Variants in SKIC2 observed in about 807,000 individuals in gnomAD.
The protein encoded by SKIC2 is SKI2 subunit of superkiller complex.
At chr6:31,961,041 ATCT>A in the SKIC2 span, 1 of 1,609,890 alleles carries the variant, frequency 6.2e-7, no homozygotes, top group Non-Finnish European at 8.5e-7. Flanking sequence ...TATCCTACAG[ATCT>A]TCTTACTATT....
At chr6:31,962,369 T>G in the SKIC2 span, 4 of 1,534,264 alleles carry the variant, frequency 2.6e-6, no homozygotes, top group Admixed American at 3.3e-5. The surrounding 1 kb of genome is among the most constrained non-coding windows in gnomAD (Gnocchi z 5.0). Context: ...CCACGAGGGC[T>G]CCATGTGGGA....
At chr6:31,961,947 C>A in the SKIC2 span, 16 of 1,612,932 alleles carry the variant, frequency 9.9e-6, no homozygotes, top group African/African-American at 2.1e-4. Context: ...AACAGGCCAT[C>A]CTGCACTTGG....
At chr6:31,968,197 G>A in the SKIC2 span, 1 of 1,497,394 alleles carries the variant, frequency 6.7e-7, no homozygotes, top group Non-Finnish European at 9.2e-7. This position sits in a 1 kb window ranked among gnomAD's most constrained non-coding sequence, Gnocchi z 6.1. Context: ...TGGGGTTGTA[G>A]TGAGGGGGCT....
At chr6:31,963,299 C>T in the SKIC2 span, 1 of 1,035,954 alleles carries the variant, frequency 9.7e-7, no homozygotes, top group African/African-American at 1.6e-5. This position sits in a 1 kb window ranked among gnomAD's most constrained non-coding sequence, Gnocchi z 5.3. Flanking sequence ...GGATAGCCTT[C>T]CATTCTGGGT....
the SKIC2 span, chr6:31,960,662 C>A: frequency 6.3e-7 from 1 of 1,589,526 alleles, no homozygotes; most frequent in African/African-American, 1.4e-5. Context: ...CTGTCTCTTC[C>A]CAGGGGGGAT....
the SKIC2 span, chr6:31,969,350 CG>C: frequency 6.2e-7 from 1 of 1,614,100 alleles, no homozygotes. This position sits in a 1 kb window ranked among gnomAD's most constrained non-coding sequence, Gnocchi z 6.1. Context: ...CTGAACCAGA[CG>C]GTGGAGGAAT....
the SKIC2 span, chr6:31,963,799 G>T: frequency 1.3e-5 from 20 of 1,488,568 alleles, no homozygotes; most frequent in Admixed American, 1.5e-4. The surrounding 1 kb of genome is among the most constrained non-coding windows in gnomAD (Gnocchi z 5.3). Context: ...TTTTCCCCTT[G>T]TCCCCCAGGG....
At chr6:31,965,124 AAAAC>A in the SKIC2 span, among the ~76,000 whole-genome samples, 196 of 152,324 alleles carry the variant, frequency 1.3e-3, no homozygotes, top group African/African-American at 4.5e-3. The surrounding 1 kb of genome is among the most constrained non-coding windows in gnomAD (Gnocchi z 5.6). Context: ...TCTCAAAACA[AAAAC>A]AAACAAAGAA....
At chr6:31,963,338 G>A in the SKIC2 span, 13 of 1,365,234 alleles carry the variant, frequency 9.5e-6, no homozygotes, top group Non-Finnish European at 1.3e-5. The surrounding 1 kb of genome is among the most constrained non-coding windows in gnomAD (Gnocchi z 5.3). Flanking sequence ...AAGTTGGAGG[G>A]GTAGGGAAGG....
chr6:31,962,881 G>A, the SKIC2 span: 2 of 1,299,880 alleles, frequency 1.5e-6, no homozygotes, highest in Non-Finnish European at 2.2e-6. The surrounding 1 kb of genome is among the most constrained non-coding windows in gnomAD (Gnocchi z 5.0). Flanking sequence ...CACACTCAGG[G>A]CCCCTTACTG....
At chr6:31,961,289 TG>T in the SKIC2 span, 1 of 1,607,942 alleles carries the variant, frequency 6.2e-7, no homozygotes, top group Non-Finnish European at 8.5e-7. Flanking sequence ...AATGAGGCAG[TG>T]GGACAGCCAG....
At chr6:31,968,117 G>C in the SKIC2 span, 138 of 1,611,280 alleles carry the variant, frequency 8.6e-5, no homozygotes, top group Middle Eastern at 1.1e-3. The surrounding 1 kb of genome is among the most constrained non-coding windows in gnomAD (Gnocchi z 6.1). Flanking sequence ...CTCCTCCAGA[G>C]GGGCACGTAG....
At chr6:31,961,429 C>T in the SKIC2 span, 2 of 1,525,036 alleles carry the variant, frequency 1.3e-6, no homozygotes, top group East Asian at 2.3e-5. Flanking sequence ...AGCCTTGCCA[C>T]CAGGATGTGG....
the SKIC2 span, chr6:31,963,491 G>A: frequency 3.7e-6 from 6 of 1,612,204 alleles, no homozygotes; most frequent in Non-Finnish European, 5.1e-6. This position sits in a 1 kb window ranked among gnomAD's most constrained non-coding sequence, Gnocchi z 5.3. Flanking sequence ...TTTTCACAGG[G>A]AACAGCTCCA....
the SKIC2 span, chr6:31,969,300 T>G: frequency 6.2e-7 from 1 of 1,614,178 alleles, no homozygotes; most frequent in Non-Finnish European, 8.5e-7. The surrounding 1 kb of genome is among the most constrained non-coding windows in gnomAD (Gnocchi z 6.1). Context: ...GTGTCCGGGC[T>G]GTGGCCAAGC....
At chr6:31,968,486 A>C in the SKIC2 span, 4 of 1,612,838 alleles carry the variant, frequency 2.5e-6, no homozygotes, top group African/African-American at 5.3e-5. The surrounding 1 kb of genome is among the most constrained non-coding windows in gnomAD (Gnocchi z 6.1). Context: ...CGGAAGCTGG[A>C]GGAGCTGATC....
At chr6:31,963,967 C>T in the SKIC2 span, 3 of 1,612,446 alleles carry the variant, frequency 1.9e-6, no homozygotes, top group Non-Finnish European at 2.5e-6. The surrounding 1 kb of genome is among the most constrained non-coding windows in gnomAD (Gnocchi z 5.3). Context: ...TGCCCAGTTG[C>T]CCGTGGTGGT....
At chr6:31,968,165 C>T in the SKIC2 span, 24 of 1,567,666 alleles carry the variant, frequency 1.5e-5, no homozygotes, top group Non-Finnish European at 1.9e-5. The surrounding 1 kb of genome is among the most constrained non-coding windows in gnomAD (Gnocchi z 6.1). Context: ...TTTCCTCCAG[C>T]CTGAGGGAGA....
the SKIC2 span, chr6:31,959,789 G>C: frequency 1.7e-6 from 1 of 576,980 alleles, no homozygotes; most frequent in Non-Finnish European, 3.1e-6. Flanking sequence ...TAGCCAGGGA[G>C]CTTTTTAAAA....
Sources: allele counts gnomAD v4.1 joint callset (sites outside exome capture counted in the v4.1 genomes callset), GRCh38; gene constraint gnomAD v4.1.1; non-coding constraint Gnocchi (gnomAD v3.1); transcripts MANE v1.5; gene names NCBI Gene and HGNC (gene_info 2026-07-23, HGNC 2026-07-21).